The following FREM1 variants were observed in gnomAD, a reference collection of about 807,000 sequenced individuals.
FREM1 encodes FRAS1-related extracellular matrix protein 1.
Under a neutral mutation model 210.1 loss-of-function variants are expected in FREM1, and 220 were observed. The ratio of observed to expected loss-of-function variants is 1.05; its 90% CI spans 0.94 to 1.17. The LOEUF (loss-of-function observed/expected upper bound fraction) is 1.17, where lower values mean the gene tolerates loss of function less well. Among genes scored for constraint, FREM1 ranks in the 50% most tolerant of loss-of-function variants. FREM1 has a pLI of 0.00. For missense variants in FREM1, 3,454 were observed against 2,675.5 expected, an observed-to-expected ratio of 1.29 and a Z score of -6.42; for synonymous variants, 1,189 against 980.2, an observed-to-expected ratio of 1.21 and a Z score of -3.98.
chr9:14,809,379 G>C (rs1818974601), intron 16 of FREM1, among the ~76,000 whole-genome samples: 1 of 152,134 alleles, frequency 6.6e-6, no homozygotes, highest in Admixed American at 6.5e-5. Context: ...TGAACCTAGG[G>C]TACAAAAGAT....
intron 5 of FREM1, among the ~76,000 whole-genome samples, chr9:14,853,365 A>G (rs1017787257): frequency 1.3e-5 from 2 of 152,222 alleles, no homozygotes; most frequent in Non-Finnish European, 2.9e-5. Flanking sequence ...ACAAAAATCC[A>G]GTAGGAAAAT....
chr9:14,798,556 G>C (rs115988960), intron 20 of FREM1, among the ~76,000 whole-genome samples: 6,440 of 152,178 alleles, frequency 0.042, 459 homozygotes, highest in African/African-American at 0.15. Flanking sequence ...GCTGCAGTGA[G>C]CTATGATCAT....
At chr9:14,738,426 G>C (rs997733469) in intron 36 of FREM1, among the ~76,000 whole-genome samples, 1 of 152,144 alleles carries the variant, frequency 6.6e-6, no homozygotes, top group East Asian at 1.9e-4. Context: ...AATACTTTTG[G>C]TTAGGAATGC....
intron 28 of FREM1, among the ~76,000 whole-genome samples, chr9:14,757,246 C>A (rs1468466036): frequency 1.3e-5 from 2 of 152,166 alleles, no homozygotes; most frequent in African/African-American, 4.8e-5. Flanking sequence ...CCAAAGGGTG[C>A]CCAAACACAT....
Position 14,770,729 on chromosome 9 carries a change from G to A in FREM1, c.4935C>T (p.Gly1645=). ...GGGAAGTGATGTAAATCCCGTAGCA[G>A]CCATTTTTCAGGAGCCCCACTTGAG... ...SPSQVGLLKN[G]CYGIYITSRV... The change falls in exon 26 of 37, where the codon GGC becomes GGT. Residue 1645 remains glycine (G), a synonymous_variant. Coordinates refer to ENST00000380880, the MANE Select transcript of FREM1 (RefSeq NM_001379081.2). The A allele has an allele frequency of 6.2e-7, 1 of 1,613,500 alleles. No individual in the cohort carries two copies.
chr9:14,886,147 G>A lies in FREM1; in HGVS notation c.-267-16903C>T, dbSNP rs574850081. 3.3e-5 allele frequency among the ~76,000 whole-genome samples: 5 copies of A among 152,230 alleles called. No homozygotes were observed. The South Asian group carries it at 1.0e-3, about 32-fold the overall frequency. The stretch of plus-strand genomic sequence containing the variant: ...CACGCCTGTAATCCCAGCACTTTGG[G>A]AGACCAAGGTGGGCGGATCACGAGG... On this transcript the variant is annotated intron_variant, in intron 1 of 36. Transcript: ENST00000380880.
intron 1 of FREM1, among the ~76,000 whole-genome samples, chr9:14,901,146 A>C (rs1458591956): frequency 6.6e-6 from 1 of 152,226 alleles, no homozygotes; most frequent in African/African-American, 2.4e-5. Flanking sequence ...GTTTTAAGAC[A>C]AGGTAGAAGT....
chr9:14,769,166 C>T (rs1310992592), intron 27 of FREM1, among the ~76,000 whole-genome samples: 1 of 152,132 alleles, frequency 6.6e-6, no homozygotes, highest in Non-Finnish European at 1.5e-5. Flanking sequence ...GGGTCATACC[C>T]TTTATATACC....
rs1843880585 is a variant in FREM1, at chr9:14,754,268, G to C, written c.5407+2106C>G. On this transcript the variant is annotated intron_variant, in intron 29 of 36. Coordinates refer to ENST00000380880, the MANE Select transcript of FREM1 (RefSeq NM_001379081.2). ...CACATCATCTCACCCTTTCATTGTA[G>C]GGATTGTTGGGTTGGCCGCAAGAGC... Among the ~76,000 whole-genome samples the C allele has an allele frequency of 2.0e-5, 3 of 152,286 alleles. No individual in the cohort carries two copies. The South Asian group carries it at 6.2e-4, about 32-fold the overall frequency.
chr9:14,868,716 T>A (rs1832009269), intron 2 of FREM1, 28 bp downstream of exon 2: 1 of 1,429,422 alleles, frequency 7.0e-7, no homozygotes, highest in South Asian at 1.2e-5. Context: ...TACACACGAC[T>A]GAACAGAAAA....
intron 19 of FREM1, among the ~76,000 whole-genome samples, chr9:14,803,071 TTC>T (rs1266348988): frequency 8.0e-6 from 1 of 124,764 alleles, no homozygotes; most frequent in Non-Finnish European, 1.7e-5. Flanking sequence ...TTTTCTTTCT[TTC>T]TCTTTCCTTC....
At chr9:14,768,318 GTTT>G (rs59443247) in intron 27 of FREM1, among the ~76,000 whole-genome samples, 20 of 134,128 alleles carry the variant, frequency 1.5e-4, no homozygotes, top group African/African-American at 3.6e-4. Flanking sequence ...TTTGGAGCAG[GTTT>G]TTTTTTTTTT....
At chr9:14,881,204 T>C (rs1164882892) in intron 1 of FREM1, among the ~76,000 whole-genome samples, 2 of 152,234 alleles carry the variant, frequency 1.3e-5, no homozygotes, top group African/African-American at 2.4e-5. Flanking sequence ...GGATATCTTG[T>C]ATTATGCAAA....
intron 15 of FREM1, among the ~76,000 whole-genome samples, chr9:14,814,941 T>A (rs943469591): frequency 3.3e-5 from 5 of 152,314 alleles, no homozygotes; most frequent in Non-Finnish European, 5.9e-5. Flanking sequence ...GGTTGGGGTT[T>A]TTTCCCCACA....
At chr9:14,876,508 C>T (rs1207375334) in intron 1 of FREM1, among the ~76,000 whole-genome samples, 3 of 152,302 alleles carry the variant, frequency 2.0e-5, no homozygotes, top group East Asian at 1.9e-4. Context: ...TCTCCTGGTG[C>T]GCCATGTTTT....
At chr9:14,777,003 G>A (rs1313628708) in intron 24 of FREM1, among the ~76,000 whole-genome samples, 1 of 152,212 alleles carries the variant, frequency 6.6e-6, no homozygotes, top group South Asian at 2.1e-4. Flanking sequence ...ATAAGGGCAG[G>A]TAGGAGATGA....
rs144358949 is a variant in FREM1, at chr9:14,893,515, G to C, written c.-268+16399C>G. 3.2e-4 allele frequency among the ~76,000 whole-genome samples: 48 copies of C among 152,328 alleles called. 1 individual carries two copies. The highest frequency in any genetic ancestry group is 2.7e-3 in the South Asian group (13 of 4,828). ...GTTCAATTCCTGGATCAGGAAATGA[G>C]TCCTTTGTCTTCTGTGTAGTTATAT... On this transcript the variant is annotated intron_variant, in intron 1 of 36. Coordinates refer to ENST00000380880, the MANE Select transcript of FREM1 (RefSeq NM_001379081.2).
chr9:14,823,922 T>A (rs756817500), intron 12 of FREM1, 103 bp downstream of exon 12: 2 of 543,832 alleles, frequency 3.7e-6, no homozygotes, highest in East Asian at 6.1e-5. Context: ...CAAGTCTTTG[T>A]GGATGTCAAA....
intron 35 of FREM1, among the ~76,000 whole-genome samples, chr9:14,742,973 T>C (rs1031130544): frequency 2.6e-5 from 4 of 152,096 alleles, no homozygotes; most frequent in Non-Finnish European, 5.9e-5. Context: ...GTGATTTCGC[T>C]TCCTTGAACC....
Sources: gnomAD v4.1 joint callset for allele counts (sites outside exome capture counted in the v4.1 genomes callset) on GRCh38, gnomAD v4.1.1 for gene constraint, MANE v1.5 for transcripts, NCBI Gene and HGNC (gene_info 2026-07-23, HGNC 2026-07-21) for gene names.